The following ROR1 variants were observed in gnomAD, a reference collection of about 807,000 sequenced individuals.
ROR1 encodes inactive tyrosine-protein kinase transmembrane receptor ROR1.
Under a neutral mutation model 78.8 loss-of-function variants are expected in ROR1, and 19 were observed. That is an observed-to-expected ratio of 0.24 (90% CI 0.17 to 0.35). The LOEUF (loss-of-function observed/expected upper bound fraction) is 0.35. Ranked by LOEUF, ROR1 falls within the 10% of genes least tolerant of loss-of-function variation. ROR1 has a pLI of 1.00. For synonymous variants in ROR1, 386 were observed against 433.6 expected (o/e 0.89, Z 1.36); for missense variants, 917 against 1,177.8 (o/e 0.78, Z 3.24).
intron 4 of ROR1, among the ~76,000 whole-genome samples, chr1:64,097,088 T>A (rs1647328167): frequency 6.6e-6 from 1 of 152,150 alleles, no homozygotes; most frequent in Non-Finnish European, 1.5e-5. Flanking sequence ...AGCACAAACT[T>A]GTTGACTGTC....
At chr1:64,104,453 A>C (rs1647703381) in intron 4 of ROR1, among the ~76,000 whole-genome samples, 1 of 152,058 alleles carries the variant, frequency 6.6e-6, no homozygotes, top group South Asian at 2.1e-4. Context: ...ATGAAGTCAT[A>C]TACATCCTGT....
intron 1 of ROR1, among the ~76,000 whole-genome samples, chr1:63,814,527 A>G (rs1419800430): frequency 6.6e-6 from 1 of 152,026 alleles, no homozygotes; most frequent in Non-Finnish European, 1.5e-5. Flanking sequence ...TGAAATAATT[A>G]TATAACTCAC....
chr1:63,900,955 A>T (rs1173568167), intron 1 of ROR1, among the ~76,000 whole-genome samples: 1 of 152,316 alleles, frequency 6.6e-6, no homozygotes, highest in South Asian at 2.1e-4. Flanking sequence ...ACATATCCTC[A>T]TAATGAGCTT....
chr1:64,169,894 T>C (rs1352132197), intron 8 of ROR1, among the ~76,000 whole-genome samples: 1 of 152,192 alleles, frequency 6.6e-6, no homozygotes, highest in Non-Finnish European at 1.5e-5. Context: ...ATCTTAAGGC[T>C]CCAAAATGAT....
intron 1 of ROR1, among the ~76,000 whole-genome samples, chr1:63,994,524 G>C (rs1379231678): frequency 2.0e-5 from 3 of 152,128 alleles, no homozygotes; most frequent in Non-Finnish European, 4.4e-5. Context: ...ACACTACAAG[G>C]ACCTTGAAGC....
rs115919701 is a variant in ROR1 at position 64,101,760 on chromosome 1, T to C, written c.483-35609T>C. ...GGAGGCCTCTCCGATAAGGTGGCAT[T>C]TGGGCAAAGGCTTGAATGAAGTGAG... On this transcript the variant is annotated intron_variant, in intron 4 of 8. Transcript: ENST00000371079. 2.5e-3 allele frequency among the ~76,000 whole-genome samples: 375 copies of C among 152,246 alleles called. 1 individual carries two copies. The highest frequency in any genetic ancestry group is 8.8e-3 in the African/African-American group (365 of 41,548).
At chr1:63,929,096 G>A (rs1260347671) in intron 1 of ROR1, among the ~76,000 whole-genome samples, 1 of 152,126 alleles carries the variant, frequency 6.6e-6, no homozygotes, top group Non-Finnish European at 1.5e-5. Flanking sequence ...AGGGATATGG[G>A]GCTTCCACCC....
intron 1 of ROR1, among the ~76,000 whole-genome samples, chr1:63,918,170 A>T (rs1645624696): frequency 6.6e-6 from 1 of 152,134 alleles, no homozygotes; most frequent in African/African-American, 2.4e-5. Flanking sequence ...GGAACAGGAG[A>T]AGTTTTAGGA....
chr1:64,062,883 A>T (rs1646928113), intron 4 of ROR1, among the ~76,000 whole-genome samples: 2 of 152,212 alleles, frequency 1.3e-5, no homozygotes. Flanking sequence ...GTATGTAATT[A>T]GCCTTCGACT....
chr1:63,778,204 A>T (rs680643), intron 1 of ROR1, among the ~76,000 whole-genome samples: 45,821 of 152,178 alleles, frequency 0.3, 8,280 homozygotes, highest in African/African-American at 0.51. Context: ...GCACCCAGCC[A>T]AGAGGTGAGT....
chr1:64,066,335 T>TG (rs1646955836), intron 4 of ROR1, among the ~76,000 whole-genome samples: 1 of 144,432 alleles, frequency 6.9e-6, no homozygotes, highest in African/African-American at 2.7e-5. Flanking sequence ...TTTTTTTTTT[T>TG]GATATGGAAT....
chr1:64,110,475 G>A (rs1050753408), intron 4 of ROR1, among the ~76,000 whole-genome samples: 1 of 152,058 alleles, frequency 6.6e-6, no homozygotes, highest in African/African-American at 2.4e-5. Flanking sequence ...CAGGCAGCTG[G>A]TAAGTATCAC....
intron 1 of ROR1, among the ~76,000 whole-genome samples, chr1:63,899,693 A>C (rs1309353590): frequency 2.0e-5 from 3 of 151,980 alleles, no homozygotes; most frequent in Non-Finnish European, 2.9e-5. Flanking sequence ...CCAAATTCTA[A>C]GTGAATTCAA....
intron 4 of ROR1, among the ~76,000 whole-genome samples, chr1:64,067,141 GGAGTTGGA>G (rs1646962828): frequency 6.6e-6 from 1 of 151,816 alleles, no homozygotes; most frequent in Admixed American, 6.6e-5. Flanking sequence ...CTTGAGCCCA[GGAGTTGGA>G]GACCAGCCTG....
chr1:63,833,530 C>G (rs1645001462), intron 1 of ROR1, among the ~76,000 whole-genome samples: 1 of 152,292 alleles, frequency 6.6e-6, no homozygotes, highest in African/African-American at 2.4e-5. Context: ...AGGGTTCTGG[C>G]TAGCTCGGGG....
At chr1:64,039,926 A>G (rs2100580283) in intron 2 of ROR1, among the ~76,000 whole-genome samples, 1 of 152,346 alleles carries the variant, frequency 6.6e-6, no homozygotes. Context: ...AATGTGACCT[A>G]TAAAGCTTAA....
chr1:64,008,905 T>C (rs967164029), intron 1 of ROR1, among the ~76,000 whole-genome samples: 3 of 152,176 alleles, frequency 2.0e-5, no homozygotes, highest in Admixed American at 6.5e-5. Flanking sequence ...AGTGCTGGTA[T>C]TACAGGTGTG....
At chr1:63,860,594 CACACACACACAT>C (rs1383048026) in intron 1 of ROR1, among the ~76,000 whole-genome samples, 53 of 136,472 alleles carry the variant, frequency 3.9e-4, no homozygotes, top group African/African-American at 1.4e-3. Context: ...CACACACACA[CACACACACACAT>C]ACACACACAC....
At chr1:64,170,446 C>T (rs1650203637) in intron 8 of ROR1, among the ~76,000 whole-genome samples, 1 of 152,160 alleles carries the variant, frequency 6.6e-6, no homozygotes, top group African/African-American at 2.4e-5. Context: ...CTAGACTGCA[C>T]ACAGCAGAGG....
Sources: allele counts gnomAD v4.1 joint callset (sites outside exome capture counted in the v4.1 genomes callset), GRCh38; gene constraint gnomAD v4.1.1; transcripts MANE v1.5; gene names NCBI Gene and HGNC (gene_info 2026-07-23, HGNC 2026-07-21).